RASSF3: variants seen among roughly 807,000 people sequenced by gnomAD.
The protein encoded by RASSF3 is ras association domain-containing protein 3.
In RASSF3, 19 loss-of-function variants were observed where a neutral mutation model predicts 19.9. That is an observed-to-expected ratio of 0.96 (90% CI 0.67 to 1.40). The LOEUF is 1.40. Ranked by LOEUF, RASSF3 falls within the 40% of genes most tolerant of loss-of-function variation. RASSF3 has a pLI of 0.00. For missense variants in RASSF3, 306 were observed against 289.8 expected (o/e 1.06, Z -0.41); for synonymous variants, 110 against 104.2 (o/e 1.06, Z -0.34).
At chr12:64,609,186 C>T (rs1870252606), upstream of RASSF3, among the ~76,000 whole-genome samples, 1 of 152,042 alleles carries the variant, frequency 6.6e-6, no homozygotes, top group Admixed American at 6.6e-5. Flanking sequence ...CACGGCTGAC[C>T]GATACCAAGC....
At chr12:64,598,290 T>A (rs73319624) in intron 2 of RASSF3, among the ~76,000 whole-genome samples, 1,726 of 152,330 alleles carry the variant, frequency 0.011, 38 homozygotes, top group African/African-American at 0.04. Context: ...GTTTATTGAT[T>A]GGGTAATCAC....
intron 2 of RASSF3, among the ~76,000 whole-genome samples, chr12:64,600,053 AAAG>A (rs1870066327): frequency 2.0e-5 from 3 of 151,632 alleles, no homozygotes; most frequent in Admixed American, 2.0e-4. Context: ...AAAAAAAAAA[AAAG>A]AATAGTGCCT....
At chr12:64,654,261 T>G (rs891614717) in intron 1 of RASSF3, 2 of 152,028 alleles carry the variant, frequency 1.3e-5, no homozygotes, top group Non-Finnish European at 2.9e-5. Flanking sequence ...TTCAAGAGAT[T>G]CTTCTGCCTC....
At chr12:64,681,456 C>T (rs1463051929) in intron 1 of RASSF3, among the ~76,000 whole-genome samples, 4 of 152,340 alleles carry the variant, frequency 2.6e-5, no homozygotes, top group Admixed American at 1.3e-4. Flanking sequence ...TAGTTGGTGA[C>T]AGACCCAGGA....
At chr12:64,590,048 T>A (rs1024367975) in intron 2 of RASSF3, among the ~76,000 whole-genome samples, 1 of 132,556 alleles carries the variant, frequency 7.5e-6, no homozygotes, top group Non-Finnish European at 1.6e-5. Context: ...ATGAGCAAAG[T>A]GGCAGAACTC....
rs1868340848 is a variant in RASSF3 at position 64,695,401 on chromosome 12, G to A, written c.*489G>A. On this transcript the variant is annotated 3_prime_UTR_variant, in exon 5 of 5. Coordinates refer to ENST00000542104, the MANE Select transcript of RASSF3 (RefSeq NM_178169.4). ...CTATCCATGTGAATCGAAAGGCACA[G>A]GAATCTAGGAACTCTGAGGAATTTA... 6.6e-6 allele frequency: 1 copy of A among 152,558 alleles called. No individual in the cohort carries two copies. Among genetic ancestry groups the A allele is most frequent in the African/African-American group, 2.4e-5 (1 of 41,352 alleles). 9.5% of individuals were successfully genotyped at this position (152,558 alleles called of 1,614,324 possible). A position where few individuals can be genotyped will look rare whatever the true frequency, so the allele number is the denominator to read the frequency against.
At chr12:64,566,490 C>A (rs538904231) in intron 2 of RASSF3, among the ~76,000 whole-genome samples, 2 of 152,244 alleles carry the variant, frequency 1.3e-5, no homozygotes, top group African/African-American at 2.4e-5. Flanking sequence ...ATCAAACAGA[C>A]CTGGATGCCT....
intron 1 of RASSF3, among the ~76,000 whole-genome samples, chr12:64,652,663 G>GT (rs1290522192): frequency 6.6e-6 from 1 of 152,094 alleles, no homozygotes; most frequent in African/African-American, 2.4e-5. Flanking sequence ...ATTCAGTGTT[G>GT]TTTTTTGCTT....
intron 1 of RASSF3, among the ~76,000 whole-genome samples, chr12:64,516,618 CAA>C (rs200931603): frequency 4.6e-5 from 5 of 109,078 alleles, no homozygotes; most frequent in Non-Finnish European, 3.9e-5. Flanking sequence ...GACTCCGTCT[CAA>C]AAAAAAAAAA....
At chr12:64,584,422 A>G (rs1175368271) in intron 2 of RASSF3, among the ~76,000 whole-genome samples, 1 of 148,652 alleles carries the variant, frequency 6.7e-6, no homozygotes, top group Non-Finnish European at 1.5e-5. Context: ...CTTGTTTTCC[A>G]TACCTCCCTC....
chr12:64,536,706 G>A (rs991499343), intron 1 of RASSF3, among the ~76,000 whole-genome samples: 5 of 152,204 alleles, frequency 3.3e-5, no homozygotes, highest in Admixed American at 6.5e-5. Context: ...AATTATATAG[G>A]ATTTCAGTTC....
rs58090127 is a variant in RASSF3, at chr12:64,507,252, G to A, written c.92G>A (p.Arg31Gln). The stretch of plus-strand genomic sequence containing the variant: ...CATGAGACCTTCAGAAGAATAGCCC[G>A]GCTCTTTTACTGGTTCCCCAAATCA... The change falls in exon 1 of 6, where the codon CGG becomes CAG. Residue 31 changes from arginine (R) to glutamine (Q), a missense_variant. Coordinates refer to the RASSF3 transcript ENST00000637125. 4.9e-3 allele frequency: 1,951 copies of A among 398,616 alleles called. 32 individuals are homozygous for A. The highest frequency in any genetic ancestry group is 0.036 in the African/African-American group (1,745 of 48,736). 24.7% of individuals were successfully genotyped at this position (398,616 alleles called of 1,614,324 possible).
At chr12:64,649,396 G>T (rs1278465079) in intron 1 of RASSF3, among the ~76,000 whole-genome samples, 1 of 152,064 alleles carries the variant, frequency 6.6e-6, no homozygotes, top group Admixed American at 6.6e-5. Flanking sequence ...GTTTCACCGT[G>T]TTAGCCAGGA....
chr12:64,638,495 G>A (rs1189047038), intron 1 of RASSF3, among the ~76,000 whole-genome samples: 2 of 151,820 alleles, frequency 1.3e-5, no homozygotes, highest in African/African-American at 4.8e-5. Flanking sequence ...CAGGAGAATG[G>A]CGTGAACCCA....
At chr12:64,594,058 C>A (rs937891920) in intron 2 of RASSF3, among the ~76,000 whole-genome samples, 4 of 142,346 alleles carry the variant, frequency 2.8e-5, no homozygotes, top group Admixed American at 1.4e-4. Flanking sequence ...CATGGCTGGG[C>A]GTGGTAGCTC....
At chr12:64,551,960 G>A (rs1017978357) in intron 2 of RASSF3, among the ~76,000 whole-genome samples, 2 of 152,110 alleles carry the variant, frequency 1.3e-5, no homozygotes, top group East Asian at 1.9e-4. Flanking sequence ...ACGTCCACCC[G>A]CCTTACACAA....
chr12:64,639,067 G>A (rs781545705), intron 1 of RASSF3, among the ~76,000 whole-genome samples: 1 of 152,210 alleles, frequency 6.6e-6, no homozygotes, highest in Non-Finnish European at 1.5e-5. Flanking sequence ...ATAGGCTACT[G>A]CCATACGCAG....
At chr12:64,644,380 T>A (rs899112408) in intron 1 of RASSF3, among the ~76,000 whole-genome samples, 2 of 152,076 alleles carry the variant, frequency 1.3e-5, no homozygotes, top group Non-Finnish European at 2.9e-5. Flanking sequence ...GTAGTCTTCT[T>A]AATAGTATCT....
intron 1 of RASSF3, among the ~76,000 whole-genome samples, chr12:64,535,769 C>A (rs1055656235): frequency 2.1e-4 from 32 of 149,876 alleles, no homozygotes; most frequent in Admixed American, 4.0e-4. Context: ...GTCACTGCAA[C>A]CTTTGCCTTC....
Sources: gnomAD v4.1 joint callset for allele counts (sites outside exome capture counted in the v4.1 genomes callset) on GRCh38, gnomAD v4.1.1 for gene constraint, MANE v1.5 for transcripts, NCBI Gene and HGNC (gene_info 2026-07-23, HGNC 2026-07-21) for gene names.